TDRD3: variants seen among roughly 807,000 people sequenced by gnomAD.
The protein encoded by TDRD3 is tudor domain containing 3, also known as tudor domain-containing protein 3.
A neutral mutation model predicts 86.7 loss-of-function variants in TDRD3; 45 were observed. That is an observed-to-expected ratio of 0.52 (90% CI 0.41 to 0.67). The LOEUF (loss-of-function observed/expected upper bound fraction) is 0.67, where lower values mean the gene tolerates loss of function less well. Ranked by LOEUF, TDRD3 falls within the 30% of genes least tolerant of loss-of-function variation. TDRD3 has a pLI of 0.00. For synonymous variants in TDRD3, 298 were observed against 301.7 expected (o/e 0.99, Z 0.13); for missense variants, 814 against 889.0 (o/e 0.92, Z 1.07).
intron 8 of TDRD3, among the ~76,000 whole-genome samples, chr13:60,505,156 C>T (rs1956908986): frequency 6.6e-6 from 1 of 152,156 alleles, no homozygotes; most frequent in Non-Finnish European, 1.5e-5. Flanking sequence ...GCGGATCCCA[C>T]CCCCACAGAG....
intron 10 of TDRD3, among the ~76,000 whole-genome samples, chr13:60,525,321 G>A (rs1027936893): frequency 2.7e-5 from 4 of 150,502 alleles, no homozygotes; most frequent in East Asian, 2.0e-4. Flanking sequence ...TTACAGGGCC[G>A]CGCCACCAAG....
chr13:60,425,200 C>A (rs1007092588), intron 1 of TDRD3, among the ~76,000 whole-genome samples: 5 of 152,046 alleles, frequency 3.3e-5, no homozygotes, highest in African/African-American at 1.2e-4. Flanking sequence ...AATGGGCAAA[C>A]GATCTGAATA....
chr13:60,420,170 TG>T (rs1954619490), intron 1 of TDRD3, among the ~76,000 whole-genome samples: 1 of 152,086 alleles, frequency 6.6e-6, no homozygotes, highest in African/African-American at 2.4e-5. Context: ...TAAAGGTTAA[TG>T]TTTTTTACCT....
chr13:60,407,846 C>T (rs1301276451), intron 1 of TDRD3, among the ~76,000 whole-genome samples: 1 of 152,204 alleles, frequency 6.6e-6, no homozygotes, highest in African/African-American at 2.4e-5. Context: ...ACCCAAATCT[C>T]AACTTGAATT....
chr13:60,515,317 C>G (rs1957145540), intron 10 of TDRD3, among the ~76,000 whole-genome samples: 1 of 152,118 alleles, frequency 6.6e-6, no homozygotes, highest in Non-Finnish European at 1.5e-5. Flanking sequence ...ATTTGGTTTG[C>G]TATTTCATTG....
chr13:60,480,126 G>C (rs1240578260), intron 5 of TDRD3, among the ~76,000 whole-genome samples: 8 of 152,150 alleles, frequency 5.3e-5, no homozygotes, highest in Non-Finnish European at 4.4e-5. Flanking sequence ...TGTGATGACA[G>C]GTATCATTTC....
chr13:60,434,740 C>CTCTGG (rs576521827), intron 1 of TDRD3, among the ~76,000 whole-genome samples: 24 of 152,052 alleles, frequency 1.6e-4, no homozygotes, highest in Non-Finnish European at 3.2e-4. Context: ...AACAAGAACC[C>CTCTGG]TCTGGTGTCA....
intron 1 of TDRD3, among the ~76,000 whole-genome samples, chr13:60,425,201 G>A (rs922548250): frequency 1.3e-5 from 2 of 152,082 alleles, no homozygotes; most frequent in Non-Finnish European, 2.9e-5. Context: ...ATGGGCAAAC[G>A]ATCTGAATAA....
intron 1 of TDRD3, among the ~76,000 whole-genome samples, chr13:60,417,812 C>G (rs999344090): frequency 6.6e-6 from 1 of 151,486 alleles, no homozygotes; most frequent in Non-Finnish European, 1.5e-5. Flanking sequence ...CTCCCAAGTT[C>G]TTCTTCTCTT....
At chr13:60,467,163 T>A (rs1006772381) in intron 4 of TDRD3, 75 bp from the exon 5 acceptor site, 10 of 1,551,818 alleles carry the variant, frequency 6.4e-6, no homozygotes, top group Non-Finnish European at 8.8e-6. Flanking sequence ...CAGGCCCCGG[T>A]CTGTGTTGTT....
intron 10 of TDRD3, 97 bp downstream of exon 10, chr13:60,510,852 A>G (rs2137663452): frequency 8.5e-7 from 1 of 1,177,914 alleles, no homozygotes; most frequent in African/African-American, 1.6e-5. Context: ...AACTTTATTT[A>G]GAATTGTAGT....
intron 8 of TDRD3, among the ~76,000 whole-genome samples, chr13:60,508,520 AG>A (rs1956986128): frequency 6.6e-6 from 1 of 152,244 alleles, no homozygotes; most frequent in African/African-American, 2.4e-5. Context: ...CAATGGGGAA[AG>A]GATTTCCTAT....
At chr13:60,554,907 C>T (rs978857215) in intron 12 of TDRD3, among the ~76,000 whole-genome samples, 10 of 152,190 alleles carry the variant, frequency 6.6e-5, no homozygotes, top group Admixed American at 3.3e-4. Context: ...TACTAAAATA[C>T]GGTTTATGAA....
chr13:60,457,916 A>G (rs1200394511), intron 3 of TDRD3, among the ~76,000 whole-genome samples: 2 of 152,096 alleles, frequency 1.3e-5, no homozygotes, highest in Non-Finnish European at 2.9e-5. Flanking sequence ...CATTGGCTTT[A>G]GGGCCCACTG....
At chr13:60,436,065 G>T (rs1955091377) in intron 1 of TDRD3, among the ~76,000 whole-genome samples, 1 of 148,994 alleles carries the variant, frequency 6.7e-6, no homozygotes, top group South Asian at 2.1e-4. Flanking sequence ...ATCTTCTTTT[G>T]AGAAATGTCT....
At chr13:60,553,999 G>A (rs1027540284) in intron 12 of TDRD3, among the ~76,000 whole-genome samples, 1 of 152,146 alleles carries the variant, frequency 6.6e-6, no homozygotes, top group African/African-American at 2.4e-5. Flanking sequence ...AACAATATTG[G>A]TTGCAAAGTT....
At chr13:60,475,623 T>A (rs1439760454) in intron 5 of TDRD3, among the ~76,000 whole-genome samples, 1 of 152,236 alleles carries the variant, frequency 6.6e-6, no homozygotes, top group Non-Finnish European at 1.5e-5. Flanking sequence ...ATCTCCGAAC[T>A]GTTTTCCACA....
At chr13:60,431,877 C>G (rs1954962566) in intron 1 of TDRD3, among the ~76,000 whole-genome samples, 1 of 151,804 alleles carries the variant, frequency 6.6e-6, no homozygotes, top group Non-Finnish European at 1.5e-5. Context: ...CATGCTGGTA[C>G]TTAGAAGTAC....
chr13:60,435,918 G>GTTTTTTTTTTTTTTTTTTTTTTTTTT lies in TDRD3; in HGVS notation c.42-3757_42-3756insTTTTTTTTTTTTTTTTTTTTTTTTTT, dbSNP rs767705603. ...AAACCACATCATGACAACATCTATG[G>GTTTTTTTTTTTTTTTTTTTTTTTTTT]TTTTTTTTTTTTTACTTTTTAATTA... On this transcript the variant is annotated intron_variant, in intron 1 of 13. Coordinates refer to ENST00000377881, the MANE Select transcript of TDRD3 (RefSeq NM_001146070.2). Among the ~76,000 whole-genome samples the GTTTTTTTTTTTTTTTTTTTTTTTTTT allele has an allele frequency of 1.6e-3, 200 of 124,360 alleles. 4 individuals carry two copies. Among genetic ancestry groups the GTTTTTTTTTTTTTTTTTTTTTTTTTT allele is most frequent in the Non-Finnish European group, 2.3e-3 (128 of 54,818 alleles). 81.6% of individuals were successfully genotyped at this position (124,360 alleles called of 152,430 possible). A position where few individuals can be genotyped will look rare whatever the true frequency, so the allele number is the denominator to read the frequency against.
Sources: allele counts gnomAD v4.1 joint callset (sites outside exome capture counted in the v4.1 genomes callset), GRCh38; gene constraint gnomAD v4.1.1; transcripts MANE v1.5; gene names NCBI Gene and HGNC (gene_info 2026-07-23, HGNC 2026-07-21).